ZFYVE28: variants seen among roughly 807,000 people sequenced by gnomAD.
ZFYVE28 encodes the protein zinc finger FYVE-type containing 28.
A neutral mutation model predicts 82.1 loss-of-function variants in ZFYVE28; 40 were observed. That is an observed-to-expected ratio of 0.49 (90% CI 0.38 to 0.63). ZFYVE28 has a LOEUF of 0.63. ZFYVE28 is among the 30% of genes least tolerant of loss of function. The pLI is 0.00. For missense variants in ZFYVE28, 1,321 were observed against 1,242.1 expected, an observed-to-expected ratio of 1.06 and a Z score of -0.96; for synonymous variants, 612 against 546.1, an observed-to-expected ratio of 1.12 and a Z score of -1.68.
At chr4:2,315,395 C>CCTTGAATGTGGAGACACCACACCCA (rs1398357372) in intron 7 of ZFYVE28, among the ~76,000 whole-genome samples, 10 of 152,196 alleles carry the variant, frequency 6.6e-5, no homozygotes, top group Non-Finnish European at 1.3e-4. Flanking sequence ...AAGTGATTCT[C>CCTTGAATGTGGAGACACCACACCCA]GTGTCTCAGC....
intron 1 of ZFYVE28, among the ~76,000 whole-genome samples, chr4:2,382,013 C>T (rs139186278): frequency 0.015 from 2,291 of 152,342 alleles, 21 homozygotes; most frequent in Middle Eastern, 0.031. Context: ...GCCATGGCTT[C>T]AGAGGGTGCA....
intron 8 of ZFYVE28, among the ~76,000 whole-genome samples, chr4:2,296,353 G>T (rs1428868948): frequency 6.6e-6 from 1 of 152,202 alleles, no homozygotes; most frequent in African/African-American, 2.4e-5. Context: ...CAAGAACCCA[G>T]CCCTGCCCTC....
chr4:2,361,311 A>T (rs961640062), intron 1 of ZFYVE28, among the ~76,000 whole-genome samples: 7 of 152,198 alleles, frequency 4.6e-5, no homozygotes, highest in African/African-American at 1.7e-4. Flanking sequence ...CTCTGGGCTA[A>T]TTTTGTAAAG....
At chr4:2,328,170 G>A (rs1346975510) in intron 6 of ZFYVE28, among the ~76,000 whole-genome samples, 2 of 152,126 alleles carry the variant, frequency 1.3e-5, no homozygotes, top group Non-Finnish European at 2.9e-5. Flanking sequence ...GCGTTTAACA[G>A]ATGAATAAAG....
At chr4:2,414,723 A>G (rs1732859383) in intron 1 of ZFYVE28, among the ~76,000 whole-genome samples, 1 of 152,224 alleles carries the variant, frequency 6.6e-6, no homozygotes, top group South Asian at 2.1e-4. Context: ...TCCCAGGTCC[A>G]GGTAAGTGTC....
chr4:2,397,971 C>T (rs1269780512), intron 1 of ZFYVE28, among the ~76,000 whole-genome samples: 3 of 136,882 alleles, frequency 2.2e-5, no homozygotes, highest in African/African-American at 8.4e-5. Flanking sequence ...GTGTGAGGCC[C>T]AGGCACCCAT....
Position 2,291,482 on chromosome 4 carries a change from A to G in ZFYVE28, c.2051+12807T>C, listed in dbSNP as rs1296370038. 2.0e-5 allele frequency among the ~76,000 whole-genome samples: 3 copies of G among 152,150 alleles called. No individual in the cohort carries two copies. The East Asian group carries it at 5.8e-4, about 29-fold the overall frequency. The stretch of plus-strand genomic sequence containing the variant: ...TTACCAAGCAGGCTCCACTGCAGCC[A>G]AAGCCCCCGCTTCCACCCCTTGACG... On this transcript the variant is annotated intron_variant, in intron 8 of 12. Transcript: ENST00000290974.
At chr4:2,375,939 T>C (rs1351615222) in intron 1 of ZFYVE28, among the ~76,000 whole-genome samples, 1 of 151,586 alleles carries the variant, frequency 6.6e-6, no homozygotes, top group Non-Finnish European at 1.5e-5. Flanking sequence ...AATGGCACAA[T>C]CTTGGCTCAC....
intron 1 of ZFYVE28, among the ~76,000 whole-genome samples, chr4:2,398,992 TTGAGGGCACAAGGAGGGGC>T (rs1730818243): frequency 8.5e-6 from 1 of 117,458 alleles, no homozygotes; most frequent in Admixed American, 9.2e-5. Context: ...AGTGGCGAGA[TTGAGGGCACAAGGAGGGGC>T]GAGATCTAGG....
chr4:2,274,020 T>G, intron 9 of ZFYVE28, 42 bp downstream of exon 9: 1 of 1,604,878 alleles, frequency 6.2e-7, no homozygotes, highest in Non-Finnish European at 8.5e-7. Context: ...GCAGCCCGTG[T>G]GTCCTCAAGC....
Position 2,305,133 on chromosome 4 carries a change from T to C in ZFYVE28, c.1207A>G (p.Met403Val), listed in dbSNP as rs768830509. 3 of 1,591,256 alleles carry C rather than the reference T, an allele frequency of 1.9e-6. No individual in the cohort carries two copies. The highest frequency in any genetic ancestry group is 1.7e-4 in the Middle Eastern group (1 of 5,938). Reference protein sequence around the residue: ...GSDEEERVFFMDDVEGTAEAL... With the variant: ...GSDEEERVFFVDDVEGTAEAL... ...TCTGCCGTCCCCTCCACGTCATCCA[T>C]GAAGAACACGCGCTCCTCCTCGTCA... The change falls in exon 8 of 13, where the codon ATG (methionine) becomes GTG (valine). Residue 403 changes from methionine (M) to valine (V), a missense_variant. Met to Val is a conservative substitution (Grantham distance 21). Transcript: ENST00000290974.
chr4:2,288,618 A>G (rs1435718162), intron 8 of ZFYVE28, among the ~76,000 whole-genome samples: 1 of 152,260 alleles, frequency 6.6e-6, no homozygotes, highest in Non-Finnish European at 1.5e-5. Context: ...GCCCTTGGGC[A>G]TCACCACCTC....
chr4:2,414,062 G>A (rs763106849), intron 1 of ZFYVE28, among the ~76,000 whole-genome samples: 49 of 152,294 alleles, frequency 3.2e-4, no homozygotes, highest in Middle Eastern at 3.4e-3. Flanking sequence ...TCTGGGGCCC[G>A]CCCCCATCTG....
intron 8 of ZFYVE28, among the ~76,000 whole-genome samples, chr4:2,283,103 T>TCCATCCATCCATCCATCCAC (rs1312560777): frequency 6.6e-6 from 1 of 151,330 alleles, no homozygotes; most frequent in Non-Finnish European, 1.5e-5. Flanking sequence ...GTAAAAGTCA[T>TCCATCCATCCATCCATCCAC]CCATCCATCC....
chr4:2,413,543 G>A (rs1732737840), intron 1 of ZFYVE28, among the ~76,000 whole-genome samples: 1 of 152,048 alleles, frequency 6.6e-6, no homozygotes, highest in Non-Finnish European at 1.5e-5. Context: ...CGCCCGCCAG[G>A]AGAGGGAGCA....
intron 6 of ZFYVE28, among the ~76,000 whole-genome samples, chr4:2,327,258 ATATATAT>A (rs1560208837): frequency 2.5e-3 from 6 of 2,414 alleles, no homozygotes; most frequent in African/African-American, 9.4e-3. Flanking sequence ...TCAAATATAT[ATATATAT>A]ATATATATAT....
chr4:2,275,286 C>T (rs1736312839), intron 8 of ZFYVE28, among the ~76,000 whole-genome samples: 1 of 152,204 alleles, frequency 6.6e-6, no homozygotes, highest in African/African-American at 2.4e-5. Flanking sequence ...CACAGCTGGG[C>T]CTGTACTAAC....
intron 8 of ZFYVE28, among the ~76,000 whole-genome samples, chr4:2,296,338 G>A (rs532315766): frequency 3.9e-5 from 6 of 152,312 alleles, no homozygotes; most frequent in Admixed American, 2.6e-4. Flanking sequence ...TGGGGCCAGC[G>A]AGAGCAAGAA....
intron 1 of ZFYVE28, among the ~76,000 whole-genome samples, chr4:2,411,363 C>T (rs1732505187): frequency 6.6e-6 from 1 of 152,226 alleles, no homozygotes; most frequent in Admixed American, 6.5e-5. Flanking sequence ...ACATTAATTA[C>T]CATAACATAA....
Sources: allele counts gnomAD v4.1 joint callset (sites outside exome capture counted in the v4.1 genomes callset), GRCh38; gene constraint gnomAD v4.1.1; transcripts MANE v1.5; gene names NCBI Gene and HGNC (gene_info 2026-07-23, HGNC 2026-07-21).